GRM7: variants seen among roughly 807,000 people sequenced by gnomAD.
The protein encoded by GRM7 is metabotropic glutamate receptor 7.
Under a neutral mutation model 84.5 loss-of-function variants are expected in GRM7, and 35 were observed. The observed-to-expected ratio is 0.41, with a 90% CI of 0.32 to 0.55. The LOEUF is 0.55. GRM7 is among the 20% of genes least tolerant of loss of function. The pLI, the probability that GRM7 is intolerant of heterozygous loss-of-function variation, is 0.19. For missense variants in GRM7, 1,003 were observed against 1,194.6 expected, an observed-to-expected ratio of 0.84 and a Z score of 2.36; for synonymous variants, 487 against 455.1, an observed-to-expected ratio of 1.07 and a Z score of -0.89.
intron 1 of GRM7, among the ~76,000 whole-genome samples, chr3:6,896,315 A>G (rs1696180847): frequency 6.6e-6 from 1 of 152,190 alleles, no homozygotes; most frequent in Middle Eastern, 3.2e-3. Flanking sequence ...TATGAATGAA[A>G]GAATTATGTG....
intron 1 of GRM7, among the ~76,000 whole-genome samples, chr3:7,131,222 C>T (rs1693588132): frequency 6.6e-6 from 1 of 152,128 alleles, no homozygotes; most frequent in African/African-American, 2.4e-5. Context: ...TTCTTACTCC[C>T]TCTAACAGCA....
chr3:7,211,828 C>A (rs1260603706), intron 2 of GRM7, among the ~76,000 whole-genome samples: 1 of 152,092 alleles, frequency 6.6e-6, no homozygotes, highest in Non-Finnish European at 1.5e-5. Context: ...TTTTTCCTGA[C>A]CCCTCTGCTG....
At chr3:7,567,781 A>C (rs1694387239) in intron 7 of GRM7, among the ~76,000 whole-genome samples, 1 of 141,726 alleles carries the variant, frequency 7.1e-6, no homozygotes, top group Admixed American at 7.1e-5. Flanking sequence ...AAAAAAAAAA[A>C]AAAAGACACA....
chr3:7,121,083 G>GATTTCAATAATTATATTGAAACA (rs1483650252), intron 1 of GRM7, among the ~76,000 whole-genome samples: 2 of 152,000 alleles, frequency 1.3e-5, no homozygotes, highest in African/African-American at 4.8e-5. Flanking sequence ...GACATATATA[G>GATTTCAATAATTATATTGAAACA]ATTTCAATAA....
At chr3:7,401,678 T>G (rs1695459001) in intron 4 of GRM7, among the ~76,000 whole-genome samples, 1 of 152,188 alleles carries the variant, frequency 6.6e-6, no homozygotes. Context: ...CTTTTTGAAC[T>G]CACCTTATTC....
chr3:7,378,522 T>C (rs1694453355), intron 4 of GRM7, among the ~76,000 whole-genome samples: 1 of 152,184 alleles, frequency 6.6e-6, no homozygotes, highest in African/African-American at 2.4e-5. Context: ...GTCATTCAGA[T>C]GGAGCAACTA....
At chr3:7,245,100 A>G (rs1450353561) in intron 2 of GRM7, among the ~76,000 whole-genome samples, 3 of 152,048 alleles carry the variant, frequency 2.0e-5, no homozygotes, top group Non-Finnish European at 4.4e-5. Flanking sequence ...GAGTTAGAGG[A>G]AAGGTAAACA....
rs553425076 is a variant in GRM7, at chr3:7,546,698, G to GTT, written c.1516-31714_1516-31713dup. On this transcript the variant is annotated intron_variant, in intron 7 of 9. Transcript: ENST00000357716. ...CTGAATGGATACAGAAAAGCCTAGAGTTTTTTTTTTTCTTACAGACAAGCT... is the reference window on the plus strand; with the variant it reads ...CTGAATGGATACAGAAAAGCCTAGAGTTTTTTTTTTTTTCTTACAGACAAGCT... Among the ~76,000 whole-genome samples the GTT allele has an allele frequency of 6.6e-3, 972 of 148,126 alleles. 10 individuals are homozygous for GTT. Among genetic ancestry groups the GTT allele is most frequent in the African/African-American group, 0.019 (781 of 40,608 alleles).
chr3:7,395,880 T>C (rs1038630684), intron 4 of GRM7, among the ~76,000 whole-genome samples: 1 of 152,100 alleles, frequency 6.6e-6, no homozygotes, highest in African/African-American at 2.4e-5. Flanking sequence ...TAATATATTT[T>C]CAGTTTCAAA....
At chr3:7,700,851 G>T (rs191676366) in intron 9 of GRM7, among the ~76,000 whole-genome samples, 8 of 152,290 alleles carry the variant, frequency 5.3e-5, no homozygotes, top group African/African-American at 1.9e-4. Context: ...GTTTTAAGAG[G>T]TAAGAAAGAA....
At chr3:7,064,182 C>T (rs1277721808) in intron 1 of GRM7, among the ~76,000 whole-genome samples, 1 of 150,602 alleles carries the variant, frequency 6.6e-6, no homozygotes, top group Non-Finnish European at 1.5e-5. Flanking sequence ...TTTGGTGCAC[C>T]TATCACCCAT....
At chr3:7,079,072 T>C (rs1223057345) in intron 1 of GRM7, among the ~76,000 whole-genome samples, 1 of 152,102 alleles carries the variant, frequency 6.6e-6, no homozygotes. Context: ...TTATATAACG[T>C]GTAATATTAG....
chr3:7,394,638 C>T (rs1349958248), intron 4 of GRM7, among the ~76,000 whole-genome samples: 1 of 29,974 alleles, frequency 3.3e-5, no homozygotes, highest in Non-Finnish European at 5.9e-5. Context: ...AATACTTTTC[C>T]ACGTGGGATC....
At chr3:7,537,474 T>A (rs2125011938) in intron 7 of GRM7, among the ~76,000 whole-genome samples, 1 of 152,314 alleles carries the variant, frequency 6.6e-6, no homozygotes, top group Non-Finnish European at 1.5e-5. Flanking sequence ...TTCAAGGAAC[T>A]TGATAGAAAA....
intron 4 of GRM7, among the ~76,000 whole-genome samples, chr3:7,307,587 C>T (rs1470892178): frequency 6.6e-6 from 1 of 152,194 alleles, no homozygotes; most frequent in African/African-American, 2.4e-5. Context: ...GGTTGTGGTT[C>T]TGTCACTGTT....
At chr3:7,661,693 C>T (rs1190069226) in intron 8 of GRM7, among the ~76,000 whole-genome samples, 1 of 145,440 alleles carries the variant, frequency 6.9e-6, no homozygotes, top group Admixed American at 7.2e-5. Flanking sequence ...ACTCCGAAGG[C>T]TGAGGCAGAA....
chr3:7,677,972 T>C (rs1383448282), intron 8 of GRM7, among the ~76,000 whole-genome samples: 3 of 152,148 alleles, frequency 2.0e-5, no homozygotes, highest in Admixed American at 6.5e-5. Flanking sequence ...CTAGGTGAAT[T>C]AACACAGAAA....
chr3:7,448,951 G>A (rs1347057843), intron 5 of GRM7, among the ~76,000 whole-genome samples: 1 of 151,588 alleles, frequency 6.6e-6, no homozygotes, highest in East Asian at 1.9e-4. Flanking sequence ...CTCCGAGATT[G>A]CCTTTTCTAA....
rs927641079 is a variant in GRM7, at chr3:6,994,930, C to T, written c.519+133023C>T. ...TACCACAGCTATTTCCAGTTCTTCA[C>T]GGGCTACACTTTCACATCATAGGTT... On this transcript the variant is annotated intron_variant, in intron 1 of 9. Coordinates refer to ENST00000357716, the MANE Select transcript of GRM7 (RefSeq NM_000844.4). 3.3e-5 allele frequency among the ~76,000 whole-genome samples: 5 copies of T among 152,156 alleles called. No individual in the cohort carries two copies. In the East Asian group the frequency reaches 7.7e-4, roughly 23 times the overall value.
Sources: allele counts gnomAD v4.1 joint callset (sites outside exome capture counted in the v4.1 genomes callset), GRCh38; gene constraint gnomAD v4.1.1; transcripts MANE v1.5; gene names NCBI Gene and HGNC (gene_info 2026-07-23, HGNC 2026-07-21).